The following PTPRD variants were observed in gnomAD, a reference collection of about 807,000 sequenced individuals.
PTPRD encodes protein tyrosine phosphatase receptor type D.
A neutral mutation model predicts 214.5 loss-of-function variants in PTPRD; 34 were observed. The ratio of observed to expected loss-of-function variants is 0.16; its 90% CI spans 0.12 to 0.21. PTPRD has a LOEUF of 0.21. Among genes scored for constraint, PTPRD ranks in the 10% least tolerant of loss-of-function variants. PTPRD has a pLI of 1.00. For synonymous variants in PTPRD, 1,128 were observed against 845.7 expected, an observed-to-expected ratio of 1.33 and a Z score of -5.79; for missense variants, 2,545 against 2,398.7, an observed-to-expected ratio of 1.06 and a Z score of -1.27.
intron 3 of PTPRD, among the ~76,000 whole-genome samples, chr9:10,228,521 A>G: frequency 6.6e-6 from 1 of 151,948 alleles, no homozygotes; most frequent in East Asian, 1.9e-4. Flanking sequence ...TAGGTAGAAA[A>G]TGACTTTTCG....
chr9:9,890,810 T>C (rs1271608457), intron 5 of PTPRD, among the ~76,000 whole-genome samples: 1 of 152,104 alleles, frequency 6.6e-6, no homozygotes, highest in African/African-American at 2.4e-5. Flanking sequence ...AAATATACTA[T>C]GTCTCCAATG....
intron 10 of PTPRD, among the ~76,000 whole-genome samples, chr9:9,053,886 G>C (rs924319813): frequency 5.9e-5 from 9 of 151,930 alleles, no homozygotes; most frequent in African/African-American, 2.2e-4. Flanking sequence ...AATCTAAATG[G>C]ATAACTAGAC....
chr9:10,361,756 G>A (rs771526049), intron 2 of PTPRD, among the ~76,000 whole-genome samples: 1 of 152,078 alleles, frequency 6.6e-6, no homozygotes, highest in Non-Finnish European at 1.5e-5. Context: ...AAAAGAATAA[G>A]AGTCACCACT....
At chr9:9,019,628 C>T (rs968792759) in intron 10 of PTPRD, among the ~76,000 whole-genome samples, 5 of 152,150 alleles carry the variant, frequency 3.3e-5, no homozygotes, top group East Asian at 1.9e-4. Flanking sequence ...ATCACTTGAA[C>T]CCAGGAGGCG....
intron 11 of PTPRD, among the ~76,000 whole-genome samples, chr9:9,014,288 C>T (rs1172906235): frequency 6.6e-6 from 1 of 150,464 alleles, no homozygotes; most frequent in Non-Finnish European, 1.5e-5. Flanking sequence ...CTTTCATTCT[C>T]ACAATCTGAA....
intron 10 of PTPRD, among the ~76,000 whole-genome samples, chr9:9,036,340 A>G (rs2099621804): frequency 6.6e-6 from 1 of 152,142 alleles, no homozygotes; most frequent in Non-Finnish European, 1.5e-5. Context: ...TAAATAAAAT[A>G]AAATAAGCAA....
intron 3 of PTPRD, among the ~76,000 whole-genome samples, chr9:10,252,821 T>G (rs945070149): frequency 6.6e-6 from 1 of 152,150 alleles, no homozygotes; most frequent in Non-Finnish European, 1.5e-5. Flanking sequence ...ACTCACTCTG[T>G]CGCCCAGGCT....
intron 11 of PTPRD, among the ~76,000 whole-genome samples, chr9:8,801,050 G>A (rs1466511146): frequency 2.0e-5 from 3 of 152,074 alleles, no homozygotes; most frequent in Non-Finnish European, 1.5e-5. Flanking sequence ...GTTTTTGCAA[G>A]GATTAAGATG....
intron 9 of PTPRD, among the ~76,000 whole-genome samples, chr9:9,339,538 T>C (rs1160809979): frequency 1.3e-5 from 2 of 152,184 alleles, no homozygotes; most frequent in Admixed American, 1.3e-4. Flanking sequence ...GATCTATTTC[T>C]ATAACCTGCA....
At chr9:10,562,814 A>G (rs932432810) in intron 2 of PTPRD, among the ~76,000 whole-genome samples, 41 of 152,202 alleles carry the variant, frequency 2.7e-4, no homozygotes, top group Admixed American at 2.6e-4. Context: ...TGTGACTATA[A>G]GCACATTGGA....
At chr9:8,713,583 C>A (rs1176980986) in intron 12 of PTPRD, 40 of 1,515,718 alleles carry the variant, frequency 2.6e-5, no homozygotes, top group Non-Finnish European at 3.6e-5. Context: ...GCGGCACCCA[C>A]AACATGTACC....
At chr9:10,521,285 C>A (rs377610742) in intron 2 of PTPRD, among the ~76,000 whole-genome samples, 2 of 151,888 alleles carry the variant, frequency 1.3e-5, no homozygotes, top group African/African-American at 2.4e-5. Context: ...GTGGAAACAG[C>A]AAAAGAACTA....
At chr9:10,016,413 A>C (rs1424171484) in intron 4 of PTPRD, among the ~76,000 whole-genome samples, 2 of 151,264 alleles carry the variant, frequency 1.3e-5, no homozygotes, top group Admixed American at 1.3e-4. Flanking sequence ...AGATAGGGAA[A>C]TTCTTTCTTA....
intron 11 of PTPRD, among the ~76,000 whole-genome samples, chr9:8,886,322 A>G (rs1338824397): frequency 6.6e-6 from 1 of 152,150 alleles, no homozygotes; most frequent in Non-Finnish European, 1.5e-5. Context: ...ATGAAAGGGA[A>G]CCCTTTCATA....
intron 3 of PTPRD, among the ~76,000 whole-genome samples, chr9:10,187,969 A>G (rs2099345694): frequency 6.6e-6 from 1 of 152,204 alleles, no homozygotes; most frequent in Admixed American, 6.5e-5. Flanking sequence ...TGGAATCCAT[A>G]TTAAATTATT....
At chr9:10,046,198 C>T (rs940000632) in intron 3 of PTPRD, among the ~76,000 whole-genome samples, 1 of 151,720 alleles carries the variant, frequency 6.6e-6, no homozygotes, top group African/African-American at 2.4e-5. Context: ...GATAAACACA[C>T]AAAAGTACAA....
At chr9:10,245,071 T>A (rs772096278) in intron 3 of PTPRD, among the ~76,000 whole-genome samples, 1 of 152,178 alleles carries the variant, frequency 6.6e-6, no homozygotes. Flanking sequence ...TTATTTCTAA[T>A]GATGACATAA....
At chr9:8,501,512 A>T (rs1409411244) in intron 23 of PTPRD, among the ~76,000 whole-genome samples, 2 of 152,182 alleles carry the variant, frequency 1.3e-5, no homozygotes, top group Non-Finnish European at 2.9e-5. Flanking sequence ...TAGAATGAGG[A>T]TGGTTTACAT....
intron 36 of PTPRD, among the ~76,000 whole-genome samples, chr9:8,391,988 C>T (rs986136575): frequency 1.3e-5 from 2 of 152,040 alleles, no homozygotes; most frequent in African/African-American, 4.8e-5. Flanking sequence ...AGGGGGTAGG[C>T]TGCTACTGAA....
Sources: allele counts gnomAD v4.1 joint callset (sites outside exome capture counted in the v4.1 genomes callset), GRCh38; gene constraint gnomAD v4.1.1; transcripts MANE v1.5; gene names NCBI Gene and HGNC (gene_info 2026-07-23, HGNC 2026-07-21).